Variants in UBE2Z observed in about 807,000 individuals in gnomAD.
UBE2Z encodes ubiquitin-conjugating enzyme E2 Z.
In UBE2Z, 10 loss-of-function variants were observed where a neutral mutation model predicts 32.6. That is an observed-to-expected ratio of 0.31 (90% CI 0.19 to 0.52). UBE2Z has a LOEUF of 0.52. Ranked by LOEUF, UBE2Z falls within the 20% of genes least tolerant of loss-of-function variation. UBE2Z has a pLI of 0.97. For missense variants in UBE2Z, 343 were observed against 480.9 expected (o/e 0.71, Z 2.68); for synonymous variants, 183 against 190.8 (o/e 0.96, Z 0.34).
chr17:48,911,034 G>A, intron 2 of UBE2Z, 154 bp downstream of exon 2: 3 of 674,614 alleles, frequency 4.4e-6, no homozygotes, highest in Non-Finnish European at 8.0e-6. Flanking sequence ...AGGTCACATA[G>A]TGAGGTGGAG....
chr17:48,920,152 C>A (rs2040749290), intron 4 of UBE2Z, among the ~76,000 whole-genome samples: 1 of 152,144 alleles, frequency 6.6e-6, no homozygotes, highest in African/African-American at 2.4e-5. Context: ...CATGCCACCA[C>A]TCTCCAGCCT....
chr17:48,921,134 A>G, intron 4 of UBE2Z, 26 bp from the exon 5 acceptor site: 6 of 1,581,762 alleles, frequency 3.8e-6, no homozygotes, highest in Non-Finnish European at 5.2e-6. Flanking sequence ...AATTTTTGGA[A>G]TACTCTGGCA....
chr17:48,923,055 C>T (rs1253286144), intron 6 of UBE2Z, 118 bp downstream of exon 6: 5 of 917,690 alleles, frequency 5.4e-6, no homozygotes, highest in South Asian at 5.3e-5. Context: ...GGTTCAGTGG[C>T]TCATGCCTGT....
intron 6 of UBE2Z, among the ~76,000 whole-genome samples, chr17:48,923,713 C>A (rs758464200): frequency 6.7e-6 from 1 of 150,206 alleles, no homozygotes; most frequent in Non-Finnish European, 1.5e-5. Flanking sequence ...GAACTCTTTA[C>A]TTTCCTTGGT....
chr17:48,919,174 C>T (rs1349786957), intron 4 of UBE2Z, among the ~76,000 whole-genome samples: 1 of 151,520 alleles, frequency 6.6e-6, no homozygotes, highest in Non-Finnish European at 1.5e-5. Flanking sequence ...TTAGTAGAGA[C>T]GGGGTTTCAC....
chr17:48,908,435 A>C lies in UBE2Z; in HGVS notation c.-69A>C. 1 of 1,186,942 alleles carries C rather than the reference A, an allele frequency of 8.4e-7. No homozygotes were observed. Among genetic ancestry groups the C allele is most frequent in the Non-Finnish European group, 1.0e-6 (1 of 953,518 alleles). 73.5% of individuals were successfully genotyped at this position (1,186,942 alleles called of 1,614,324 possible). A position where few individuals can be genotyped will look rare whatever the true frequency, so the allele number is the denominator to read the frequency against. ...CTGGCCCGGTTCTCGGTGGTGCGGGAGCGGGCGGGAGCAGCGGCCGCTCTG... is the reference window on the plus strand; with the variant it reads ...CTGGCCCGGTTCTCGGTGGTGCGGGCGCGGGCGGGAGCAGCGGCCGCTCTG... On this transcript the variant is annotated 5_prime_UTR_variant, in exon 1 of 7. Transcript: ENST00000360943.
intron 1 of UBE2Z, among the ~76,000 whole-genome samples, chr17:48,909,798 T>C (rs2040662647): frequency 6.6e-6 from 1 of 152,116 alleles, no homozygotes; most frequent in Non-Finnish European, 1.5e-5. Context: ...CACAAGCATC[T>C]TCGTTTAGTT....
In UBE2Z at chr17:48,916,092, G is replaced by T. The variant is rs1272601624; in HGVS notation, c.595G>T (p.Ala199Ser). 1.9e-6 allele frequency: 3 copies of T among 1,589,404 alleles called. No individual in the cohort carries two copies. Among genetic ancestry groups the T allele is most frequent in the Non-Finnish European group, 1.7e-6 (2 of 1,171,148 alleles). ...LSILGTWTGP[A>S]WSPAQSISSV... ...TGTTTACAGTACATGGACTGGACCT[G>T]CCTGGAGCCCAGCCCAGAGCATCTC... Residue 199 changes from alanine (A) to serine (S), a missense_variant, in exon 4 of 7, where the codon GCC (alanine) becomes TCC (serine). Ala to Ser is a moderately conservative substitution (Grantham distance 99). This residue lies in a region of UBE2Z where 182 missense variants were observed against 312.4 expected (regional missense o/e 0.58). Coordinates refer to ENST00000360943, the MANE Select transcript of UBE2Z (RefSeq NM_023079.5).
At chr17:48,908,972 C>T in intron 1 of UBE2Z, 152 bp downstream of exon 1, 1 of 427,818 alleles carries the variant, frequency 2.3e-6, no homozygotes, top group Non-Finnish European at 4.0e-6. Context: ...CTCCGGGCGT[C>T]GGGATCCAAC....
At chr17:48,914,586 C>CA (rs1416262930) in intron 3 of UBE2Z, among the ~76,000 whole-genome samples, 20 of 152,318 alleles carry the variant, frequency 1.3e-4, no homozygotes, top group African/African-American at 4.3e-4. Flanking sequence ...AAGCGTGTCT[C>CA]AAAGTAGGCT....
Position 48,927,374 on chromosome 17 carries a change from A to G in UBE2Z, c.*240A>G, listed in dbSNP as rs1598079252. On this transcript the variant is annotated 3_prime_UTR_variant, in exon 7 of 7. Coordinates refer to ENST00000360943, the MANE Select transcript of UBE2Z (RefSeq NM_023079.5). ...TCCATTCATCCCGTATCAGGGGCCA[A>G]GGTACCTTTACAGGAGCACCTAGAG... 18 of 502,552 alleles carry G rather than the reference A, an allele frequency of 3.6e-5. No individual in the cohort carries two copies. The highest frequency in any genetic ancestry group is 6.5e-5 in the Non-Finnish European group (18 of 277,878). 31.1% of individuals were successfully genotyped at this position (502,552 alleles called of 1,614,324 possible).
chr17:48,912,037 C>G (rs1035768100), intron 2 of UBE2Z: 1 of 146,350 alleles, frequency 6.8e-6, no homozygotes, highest in Non-Finnish European at 1.5e-5. Context: ...AATTTAGTGT[C>G]GTTTTCAGGA....
At position 48,913,759 on chromosome 17, in the gene UBE2Z, G is replaced by A. The variant is rs139706045; in HGVS notation, c.578+738G>A. On this transcript the variant is annotated intron_variant, in intron 3 of 6. Transcript: ENST00000360943. ...CCTTATTTTCTCTCCTGAACAGGTTGAGAAAGGCTGCAGGTCTGTGCCATT... is the reference window on the plus strand; with the variant it reads ...CCTTATTTTCTCTCCTGAACAGGTTAAGAAAGGCTGCAGGTCTGTGCCATT... 2.0e-5 allele frequency among the ~76,000 whole-genome samples: 3 copies of A among 152,324 alleles called. No homozygotes were observed. The East Asian group carries it at 5.8e-4, about 29-fold the overall frequency.
Position 48,908,452 on chromosome 17 carries a change from GC to G in UBE2Z, c.-50del. On this transcript the variant is annotated 5_prime_UTR_variant, in exon 1 of 7. Coordinates refer to ENST00000360943, the MANE Select transcript of UBE2Z (RefSeq NM_023079.5). ...GGTGCGGGAGCGGGCGGGAGCAGCG[GC>G]CGCTCTGGTCGGCGGACGTGCTGCC... is the stretch of plus-strand genomic sequence containing the variant. 8.2e-7 allele frequency: 1 copy of G among 1,220,240 alleles called. No homozygotes were observed. Among genetic ancestry groups the G allele is most frequent in the African/African-American group, 1.6e-5 (1 of 64,024 alleles). The allele number at this position is 1,220,240 out of a possible 1,614,324, so 75.6% of individuals were successfully genotyped here. A position where few individuals can be genotyped will look rare whatever the true frequency, so the allele number is the denominator to read the frequency against.
chr17:48,925,261 G>A (rs1200156257), intron 6 of UBE2Z, among the ~76,000 whole-genome samples: 1 of 147,516 alleles, frequency 6.8e-6, no homozygotes, highest in East Asian at 2.0e-4. Flanking sequence ...TAGCCTTGGC[G>A]ATGGAGCCAG....
chr17:48,909,082 T>G, intron 1 of UBE2Z: 1 of 165,082 alleles, frequency 6.1e-6, no homozygotes, highest in Non-Finnish European at 1.2e-5. Flanking sequence ...GCCCTCCGTC[T>G]CCATTCCGGC....
chr17:48,926,858 A>T (rs895714323), intron 6 of UBE2Z, 106 bp from the exon 7 acceptor site: 1 of 1,294,696 alleles, frequency 7.7e-7, no homozygotes, highest in Non-Finnish European at 1.1e-6. Context: ...TCCTGCTCCC[A>T]TGGCTCAGAA....
At chr17:48,917,381 A>G (rs1391130164) in intron 4 of UBE2Z, among the ~76,000 whole-genome samples, 4 of 152,126 alleles carry the variant, frequency 2.6e-5, no homozygotes, top group African/African-American at 4.8e-5. Flanking sequence ...CCTTTATAGC[A>G]TGGAAGTCAA....
intron 4 of UBE2Z, among the ~76,000 whole-genome samples, chr17:48,919,275 C>G (rs560713115): frequency 1.3e-5 from 2 of 152,064 alleles, no homozygotes; most frequent in South Asian, 4.1e-4. Flanking sequence ...TGAGCTACCG[C>G]GCCTGGCCCA....
Sources: gnomAD v4.1 joint callset for allele counts (sites outside exome capture counted in the v4.1 genomes callset) on GRCh38, gnomAD v4.1.1 for gene constraint, gnomAD v4.1.1 regional missense constraint, MANE v1.5 for transcripts, NCBI Gene and HGNC (gene_info 2026-07-23, HGNC 2026-07-21) for gene names.